CSMD1: variants seen among roughly 807,000 people sequenced by gnomAD.
CSMD1 encodes the protein CUB and sushi domain-containing protein 1.
CSMD1 carries 213 observed loss-of-function variants against 417.5 expected under a neutral mutation model. That is an observed-to-expected ratio of 0.51 (90% CI 0.46 to 0.57). The LOEUF (loss-of-function observed/expected upper bound fraction) is 0.57. CSMD1 is among the 20% of genes least tolerant of loss of function. The probability of loss-of-function intolerance (pLI) is 0.00; values close to 1 mark genes in which losing one functional copy is unlikely to be tolerated. For missense variants in CSMD1, 6,923 were observed against 4,529.7 expected (o/e 1.53, Z -15.17); for synonymous variants, 2,862 against 1,736.8 (o/e 1.65, Z -16.11).
intron 1 of CSMD1, among the ~76,000 whole-genome samples, chr8:4,825,035 T>C (rs184529623): frequency 2.6e-5 from 4 of 152,224 alleles, no homozygotes; most frequent in African/African-American, 9.6e-5. Context: ...TTTTTATCCT[T>C]TTTGAAGTCA....
intron 3 of CSMD1, among the ~76,000 whole-genome samples, chr8:4,185,038 C>G (rs533244437): frequency 6.8e-6 from 1 of 148,146 alleles, no homozygotes; most frequent in African/African-American, 2.5e-5. Flanking sequence ...ACTTGGGAGG[C>G]TGAGGCAGGA....
chr8:4,977,783 G>A (rs943517537), intron 1 of CSMD1, among the ~76,000 whole-genome samples: 1 of 152,236 alleles, frequency 6.6e-6, no homozygotes, highest in Non-Finnish European at 1.5e-5. Context: ...CATTGAAAGT[G>A]AAAGACATTT....
intron 3 of CSMD1, among the ~76,000 whole-genome samples, chr8:4,362,550 G>C (rs189368635): frequency 2.2e-4 from 33 of 152,252 alleles, no homozygotes; most frequent in African/African-American, 7.7e-4. Flanking sequence ...AATTTATTGT[G>C]GGAAGTGGAT....
At chr8:3,454,251 C>T (rs977459640) in intron 12 of CSMD1, among the ~76,000 whole-genome samples, 5 of 152,156 alleles carry the variant, frequency 3.3e-5, no homozygotes, top group African/African-American at 1.2e-4. Context: ...ACTGATGGGT[C>T]TTGACTCTTT....
At position 3,258,394 on chromosome 8, in the gene CSMD1, T is replaced by C. The variant is rs147233507; in HGVS notation, c.4153+25750A>G. On this transcript the variant is annotated intron_variant, in intron 26 of 69. Coordinates refer to ENST00000635120, the MANE Select transcript of CSMD1 (RefSeq NM_033225.6). The stretch of plus-strand genomic sequence containing the variant: ...AATGCAAATTAAAACCAAAATGAGA[T>C]ACCATCTCACACCAGTTACAATGGC... Among the ~76,000 whole-genome samples the C allele has an allele frequency of 6.6e-5, 10 of 152,202 alleles. No individual in the cohort carries two copies. In the East Asian group the frequency reaches 1.9e-3, roughly 29 times the overall value.
chr8:4,331,320 A>T (rs966877921), intron 3 of CSMD1, among the ~76,000 whole-genome samples: 95 of 152,218 alleles, frequency 6.2e-4, no homozygotes, highest in African/African-American at 2.0e-3. Flanking sequence ...GTGGGTGCAA[A>T]CGCAGTTTTG....
intron 3 of CSMD1, among the ~76,000 whole-genome samples, chr8:4,136,946 C>T (rs1803478658): frequency 6.6e-6 from 1 of 152,186 alleles, no homozygotes; most frequent in South Asian, 2.1e-4. Flanking sequence ...AAAATATCAT[C>T]AAAACCAATA....
intron 2 of CSMD1, among the ~76,000 whole-genome samples, chr8:4,607,001 A>G (rs1043858576): frequency 2.0e-5 from 3 of 152,184 alleles, no homozygotes; most frequent in African/African-American, 4.8e-5. Context: ...ATGTGGCACC[A>G]TATTTCAGGA....
chr8:3,749,368 G>C (rs183519401), intron 6 of CSMD1, among the ~76,000 whole-genome samples: 214 of 152,262 alleles, frequency 1.4e-3, no homozygotes, highest in Non-Finnish European at 2.6e-3. Flanking sequence ...TTTTAAAAGT[G>C]AATAGATTTT....
intron 12 of CSMD1, among the ~76,000 whole-genome samples, chr8:3,465,814 T>C (rs1816762948): frequency 6.6e-6 from 1 of 152,176 alleles, no homozygotes; most frequent in Non-Finnish European, 1.5e-5. Flanking sequence ...ATTTCTTGCA[T>C]AGCAGTTTGT....
chr8:3,055,272 G>C (rs566299425), intron 49 of CSMD1, among the ~76,000 whole-genome samples: 3 of 152,152 alleles, frequency 2.0e-5, no homozygotes, highest in Non-Finnish European at 2.9e-5. Context: ...GTGAACCCCT[G>C]CTTGCCCAGG....
At chr8:4,006,896 C>G (rs771546464) in intron 4 of CSMD1, among the ~76,000 whole-genome samples, 2 of 132,358 alleles carry the variant, frequency 1.5e-5, no homozygotes, top group East Asian at 2.3e-4. Context: ...GGCGTGATCT[C>G]GGCTCACTGC....
intron 3 of CSMD1, among the ~76,000 whole-genome samples, chr8:4,202,351 C>G (rs1028021446): frequency 6.6e-6 from 1 of 152,106 alleles, no homozygotes; most frequent in Non-Finnish European, 1.5e-5. Flanking sequence ...ATTTTAATGT[C>G]TTCATGTATC....
intron 53 of CSMD1, among the ~76,000 whole-genome samples, chr8:2,998,845 T>C (rs2128954219): frequency 6.6e-6 from 1 of 152,310 alleles, no homozygotes; most frequent in East Asian, 1.9e-4. Flanking sequence ...ATAAAACTGG[T>C]GTTTTCTTCC....
At chr8:4,981,786 A>C (rs1047541540) in intron 1 of CSMD1, among the ~76,000 whole-genome samples, 4 of 152,102 alleles carry the variant, frequency 2.6e-5, no homozygotes, top group Non-Finnish European at 2.9e-5. Context: ...CTTTCAACCA[A>C]CACAGCAAAC....
chr8:3,682,812 A>G (rs1333950325), intron 7 of CSMD1, among the ~76,000 whole-genome samples: 1 of 152,248 alleles, frequency 6.6e-6, no homozygotes, highest in East Asian at 1.9e-4. Flanking sequence ...ACAATGACAG[A>G]TGGGATTAAG....
At chr8:3,717,914 A>G (rs952183922) in intron 6 of CSMD1, among the ~76,000 whole-genome samples, 2 of 152,182 alleles carry the variant, frequency 1.3e-5, no homozygotes, top group African/African-American at 4.8e-5. Flanking sequence ...TGCTAGAACT[A>G]GAATTCTTTA....
At chr8:4,674,003 G>C (rs1396193551) in intron 1 of CSMD1, among the ~76,000 whole-genome samples, 4 of 152,188 alleles carry the variant, frequency 2.6e-5, no homozygotes, top group Non-Finnish European at 2.9e-5. Context: ...GCACTATACA[G>C]AGGCAAATCT....
At chr8:3,926,586 C>G (rs750651578) in intron 5 of CSMD1, among the ~76,000 whole-genome samples, 5 of 151,332 alleles carry the variant, frequency 3.3e-5, no homozygotes, top group Non-Finnish European at 5.9e-5. Context: ...ACATTTATTT[C>G]TGGTTAATTT....
Sources: gnomAD v4.1 joint callset for allele counts (sites outside exome capture counted in the v4.1 genomes callset) on GRCh38, gnomAD v4.1.1 for gene constraint, MANE v1.5 for transcripts, NCBI Gene and HGNC (gene_info 2026-07-23, HGNC 2026-07-21) for gene names.